LINGO2: variants seen among roughly 807,000 people sequenced by gnomAD.
LINGO2 encodes leucine rich repeat and Ig domain containing 2.
LINGO2 carries 14 observed loss-of-function variants against 30.6 expected under a neutral mutation model. That is an observed-to-expected ratio of 0.46 (90% CI 0.30 to 0.72). LINGO2 has a LOEUF of 0.72. Ranked by LOEUF, LINGO2 falls within the 30% of genes least tolerant of loss-of-function variation. The probability of loss-of-function intolerance (pLI) is 0.07; values close to 1 mark genes in which losing one functional copy is unlikely to be tolerated. For missense variants in LINGO2, 729 were observed against 751.7 expected (o/e 0.97, Z 0.35); for synonymous variants, 317 against 288.5 (o/e 1.10, Z -1.00).
chr9:28,841,092 G>A, the LINGO2 span, among the ~76,000 whole-genome samples: 1 of 151,646 alleles, frequency 6.6e-6, no homozygotes, highest in African/African-American at 2.4e-5. Context: ...ACCTCCAAAT[G>A]TTTACGCTTT....
At chr9:28,709,581 T>C in the LINGO2 span, among the ~76,000 whole-genome samples, 3 of 152,020 alleles carry the variant, frequency 2.0e-5, no homozygotes, top group Non-Finnish European at 4.4e-5. Context: ...TTATGAATCA[T>C]ATATAATTTT....
At chr9:28,832,662 T>A in the LINGO2 span, among the ~76,000 whole-genome samples, 9 of 152,238 alleles carry the variant, frequency 5.9e-5, no homozygotes, top group East Asian at 1.5e-3. Context: ...AAAAGAGTAG[T>A]TTTAGCCACA....
At chr9:28,974,270 G>A in the LINGO2 span, among the ~76,000 whole-genome samples, 2 of 152,128 alleles carry the variant, frequency 1.3e-5, no homozygotes, top group Non-Finnish European at 2.9e-5. Context: ...GCTGGGCGTG[G>A]TGGCGGGCAC....
downstream of LINGO2, among the ~76,000 whole-genome samples, chr9:27,947,516 C>T (rs1235336850): frequency 6.6e-6 from 1 of 152,040 alleles, no homozygotes; most frequent in Non-Finnish European, 1.5e-5. Context: ...AAGACAAATT[C>T]CTCTTTATTA....
At chr9:29,204,831 A>C in the LINGO2 span, among the ~76,000 whole-genome samples, 1 of 152,278 alleles carries the variant, frequency 6.6e-6, no homozygotes, top group Admixed American at 6.5e-5. Flanking sequence ...TCCATTATAA[A>C]CGTTGAGTAA....
chr9:28,716,441 G>C, the LINGO2 span, among the ~76,000 whole-genome samples: 16 of 151,900 alleles, frequency 1.1e-4, no homozygotes, highest in African/African-American at 3.9e-4. Context: ...TGTTATAAGA[G>C]GTCTACCCTG....
chr9:28,001,502 A>T (rs1335248225), intron 5 of LINGO2, among the ~76,000 whole-genome samples: 1 of 151,604 alleles, frequency 6.6e-6, no homozygotes, highest in Non-Finnish European at 1.5e-5. Context: ...TGTGCAAAAT[A>T]TGCTCCCAAT....
chr9:28,048,236 C>T (rs916173711), intron 4 of LINGO2, among the ~76,000 whole-genome samples: 2 of 150,854 alleles, frequency 1.3e-5, no homozygotes, highest in Non-Finnish European at 2.9e-5. Context: ...TAATAATCCA[C>T]AGAAGAAACT....
chr9:28,434,719 A>G (rs1156409813), intron 2 of LINGO2, among the ~76,000 whole-genome samples: 1 of 152,142 alleles, frequency 6.6e-6, no homozygotes, highest in Non-Finnish European at 1.5e-5. Context: ...ACAATCAGAT[A>G]TGAATATTTC....
intron 1 of LINGO2, among the ~76,000 whole-genome samples, chr9:28,533,998 T>C (rs960221237): frequency 6.6e-6 from 1 of 152,202 alleles, no homozygotes; most frequent in South Asian, 2.1e-4. Flanking sequence ...TAGATTATTG[T>C]TGTTAGGCCT....
the LINGO2 span, among the ~76,000 whole-genome samples, chr9:28,778,444 G>A: frequency 2.6e-5 from 4 of 152,084 alleles, no homozygotes; most frequent in African/African-American, 9.7e-5. Flanking sequence ...CTTTACTGAA[G>A]ACACCACCTT....
chr9:28,286,874 C>G (rs1029548545), intron 4 of LINGO2, among the ~76,000 whole-genome samples: 1 of 152,130 alleles, frequency 6.6e-6, no homozygotes, highest in African/African-American at 2.4e-5. Flanking sequence ...GACTTAACAC[C>G]TGGACGATTA....
chr9:28,225,160 G>A (rs1821104458), intron 4 of LINGO2, among the ~76,000 whole-genome samples: 1 of 152,236 alleles, frequency 6.6e-6, no homozygotes, highest in South Asian at 2.1e-4. Flanking sequence ...TATATTTGAA[G>A]GAGGTGAAAG....
intron 3 of LINGO2, among the ~76,000 whole-genome samples, chr9:28,354,197 G>T (rs913179745): frequency 1.4e-4 from 22 of 152,080 alleles, no homozygotes; most frequent in African/African-American, 5.1e-4. Flanking sequence ...GATTAAAATT[G>T]TTAAGACATA....
At chr9:28,375,211 T>C (rs1331208187) in intron 2 of LINGO2, among the ~76,000 whole-genome samples, 1 of 152,154 alleles carries the variant, frequency 6.6e-6, no homozygotes, top group Non-Finnish European at 1.5e-5. Flanking sequence ...ATTATCCATT[T>C]CTGATTTTCC....
chr9:28,553,495 A>G (rs938491450), intron 1 of LINGO2, among the ~76,000 whole-genome samples: 18 of 152,220 alleles, frequency 1.2e-4, no homozygotes, highest in Middle Eastern at 3.4e-3. Context: ...ATATGGGACT[A>G]TGTGAAAAGA....
At chr9:28,506,485 C>CAGACATATATATAT (rs1820135121) in intron 1 of LINGO2, among the ~76,000 whole-genome samples, 1 of 73,398 alleles carries the variant, frequency 1.4e-5, no homozygotes, top group African/African-American at 5.1e-5. Flanking sequence ...CACACATACA[C>CAGACATATATATAT]ATACACACAC....
At chr9:29,196,184 C>A in the LINGO2 span, among the ~76,000 whole-genome samples, 1 of 152,014 alleles carries the variant, frequency 6.6e-6, no homozygotes, top group African/African-American at 2.4e-5. Context: ...TAGCTGCTGT[C>A]AAGAAAATGT....
At chr9:28,165,010 C>G (rs1370603248) in intron 4 of LINGO2, among the ~76,000 whole-genome samples, 2 of 152,212 alleles carry the variant, frequency 1.3e-5, no homozygotes, top group Non-Finnish European at 2.9e-5. Flanking sequence ...CACTTGAACT[C>G]TGATGCAGTG....
Sources: gnomAD v4.1 joint callset for allele counts (sites outside exome capture counted in the v4.1 genomes callset) on GRCh38, gnomAD v4.1.1 for gene constraint, MANE v1.5 for transcripts, NCBI Gene and HGNC (gene_info 2026-07-23, HGNC 2026-07-21) for gene names.